CTNND2: variants seen among roughly 807,000 people sequenced by gnomAD.
CTNND2 encodes catenin delta 2.
CTNND2 carries 22 observed loss-of-function variants against 144.4 expected under a neutral mutation model. That is an observed-to-expected ratio of 0.15 (90% CI 0.11 to 0.22). CTNND2 has a LOEUF of 0.22. Ranked by LOEUF, CTNND2 falls within the 10% of genes least tolerant of loss-of-function variation. The pLI, the probability that CTNND2 is intolerant of heterozygous loss-of-function variation, is 1.00. For synonymous variants in CTNND2, 751 were observed against 695.6 expected (o/e 1.08, Z -1.25); for missense variants, 1,353 against 1,618.8 (o/e 0.84, Z 2.82).
At position 11,130,003 on chromosome 5, in the gene CTNND2, T is replaced by C. The variant is rs575550896; in HGVS notation, c.2160-12436A>G. Among the ~76,000 whole-genome samples the C allele has an allele frequency of 3.6e-4, 54 of 152,066 alleles. No individual in the cohort carries two copies. In the South Asian group the frequency reaches 0.011, roughly 31 times the overall value. The stretch of plus-strand genomic sequence containing the variant: ...CTTATCACAGCCAAGTCAGAATAAT[T>C]CCCAAAAAAACAAGTTTCCCTAATT... On this transcript the variant is annotated intron_variant, in intron 12 of 21. Coordinates refer to ENST00000304623, the MANE Select transcript of CTNND2 (RefSeq NM_001332.4).
rs111647969 is a variant in CTNND2, at chr5:11,326,543, C to T, written c.1628+19829G>A. Among the ~76,000 whole-genome samples the T allele has an allele frequency of 6.5e-3, 985 of 152,274 alleles. 10 individuals carry two copies. Among genetic ancestry groups the T allele is most frequent in the African/African-American group, 0.022 (922 of 41,554 alleles). Reference sequence around the variant, plus strand: ...ACAATGTAAAGGGTACAATTCCTATCTCTAACCCTGTGAAACCATCCTGAA... The same window carrying T: ...ACAATGTAAAGGGTACAATTCCTATTTCTAACCCTGTGAAACCATCCTGAA... On this transcript the variant is annotated intron_variant, in intron 9 of 21. Coordinates refer to ENST00000304623, the MANE Select transcript of CTNND2 (RefSeq NM_001332.4).
intron 9 of CTNND2, among the ~76,000 whole-genome samples, chr5:11,238,048 T>C (rs1372119742): frequency 6.6e-6 from 1 of 152,212 alleles, no homozygotes; most frequent in Non-Finnish European, 1.5e-5. Context: ...AAGCTGGTTG[T>C]CATCTTAAGC....
intron 5 of CTNND2, among the ~76,000 whole-genome samples, chr5:11,407,795 T>C (rs1324126005): frequency 1.3e-5 from 2 of 152,204 alleles, no homozygotes; most frequent in Non-Finnish European, 2.9e-5. Flanking sequence ...CTTTTCCTAA[T>C]TAGATGAAAT....
chr5:11,318,152 C>G (rs1253541184), intron 9 of CTNND2, among the ~76,000 whole-genome samples: 3 of 152,082 alleles, frequency 2.0e-5, no homozygotes, highest in African/African-American at 7.2e-5. Context: ...TTTATGAACC[C>G]AAAAGAAACT....
chr5:11,887,440 C>G (rs890853932), intron 1 of CTNND2, among the ~76,000 whole-genome samples: 1 of 151,818 alleles, frequency 6.6e-6, no homozygotes, highest in African/African-American at 2.4e-5. Context: ...AGGACATAGT[C>G]TAACCCCACT....
intron 3 of CTNND2, among the ~76,000 whole-genome samples, chr5:11,522,087 G>A (rs1489460078): frequency 6.6e-6 from 1 of 152,094 alleles, no homozygotes; most frequent in East Asian, 1.9e-4. Flanking sequence ...TTAATTCTGT[G>A]GACACACAGC....
chr5:11,156,840 G>T (rs1394115700), intron 12 of CTNND2, among the ~76,000 whole-genome samples: 2 of 152,070 alleles, frequency 1.3e-5, no homozygotes, highest in Non-Finnish European at 2.9e-5. Flanking sequence ...AGAGGGAGAA[G>T]ACCACTGGCA....
intron 9 of CTNND2, among the ~76,000 whole-genome samples, chr5:11,270,978 C>T (rs907949947): frequency 1.3e-5 from 2 of 152,106 alleles, no homozygotes; most frequent in African/African-American, 2.4e-5. Context: ...ATAAAAGGAA[C>T]ATGTTAATCA....
At chr5:11,338,477 C>G (rs1227102178) in intron 9 of CTNND2, among the ~76,000 whole-genome samples, 1 of 152,130 alleles carries the variant, frequency 6.6e-6, no homozygotes, top group African/African-American at 2.4e-5. Context: ...GAGGCTCGTT[C>G]CCTAGAGGAA....
chr5:11,003,826 T>C (rs999420989), intron 18 of CTNND2, among the ~76,000 whole-genome samples: 3 of 152,252 alleles, frequency 2.0e-5, no homozygotes, highest in South Asian at 2.1e-4. Context: ...CCACCTGACA[T>C]ACCAGTTGCT....
chr5:11,421,895 C>T (rs1469101421), intron 3 of CTNND2, among the ~76,000 whole-genome samples: 1 of 152,188 alleles, frequency 6.6e-6, no homozygotes, highest in Non-Finnish European at 1.5e-5. Flanking sequence ...TCTCTGTTTC[C>T]TCATTTGTAA....
intron 2 of CTNND2, among the ~76,000 whole-genome samples, chr5:11,673,012 T>A (rs923680813): frequency 9.2e-5 from 14 of 152,136 alleles, no homozygotes; most frequent in African/African-American, 3.1e-4. Context: ...TTTGCATCGA[T>A]CTTGCTGGGA....
At chr5:11,121,427 G>A (rs1277580154) in intron 12 of CTNND2, among the ~76,000 whole-genome samples, 1 of 152,158 alleles carries the variant, frequency 6.6e-6, no homozygotes, top group African/African-American at 2.4e-5. Flanking sequence ...AATACCTGTA[G>A]ATTATTTGTT....
chr5:11,552,336 A>C (rs960306919), intron 3 of CTNND2, among the ~76,000 whole-genome samples: 1 of 152,354 alleles, frequency 6.6e-6, no homozygotes, highest in South Asian at 2.1e-4. Context: ...CAATATACTT[A>C]TAAATTTCTT....
chr5:11,240,387 C>CAAACACACACCCAACAA (rs199894881), intron 9 of CTNND2, among the ~76,000 whole-genome samples: 1 of 11,630 alleles, frequency 8.6e-5, no homozygotes, highest in African/African-American at 4.4e-4. Flanking sequence ...CACATACACT[C>CAAACACACACCCAACAA]ACACACCCAA....
chr5:11,743,060 G>A (rs77159984), intron 1 of CTNND2, among the ~76,000 whole-genome samples: 2,192 of 152,182 alleles, frequency 0.014, 43 homozygotes, highest in African/African-American at 0.05. Context: ...TAAAGTTATC[G>A]CTTATCATAA....
intron 7 of CTNND2, among the ~76,000 whole-genome samples, chr5:11,372,157 G>A (rs1196255816): frequency 6.6e-6 from 1 of 152,182 alleles, no homozygotes; most frequent in Non-Finnish European, 1.5e-5. Flanking sequence ...TTTACAAAAT[G>A]AATACTGTAA....
At chr5:11,777,388 T>C (rs1790316058) in intron 1 of CTNND2, among the ~76,000 whole-genome samples, 1 of 152,252 alleles carries the variant, frequency 6.6e-6, no homozygotes, top group African/African-American at 2.4e-5. Context: ...TCTACCTTAG[T>C]ATTTCATAAG....
chr5:11,368,971 A>G (rs574079172), intron 7 of CTNND2, among the ~76,000 whole-genome samples: 1 of 152,358 alleles, frequency 6.6e-6, no homozygotes, highest in East Asian at 1.9e-4. Flanking sequence ...TCAATAAATT[A>G]TGTCACCTCA....
Sources: allele counts gnomAD v4.1 joint callset (sites outside exome capture counted in the v4.1 genomes callset), GRCh38; gene constraint gnomAD v4.1.1; transcripts MANE v1.5; gene names NCBI Gene and HGNC (gene_info 2026-07-23, HGNC 2026-07-21).